TFEC: variants seen among roughly 807,000 people sequenced by gnomAD.
The protein encoded by TFEC is transcription factor EC, also known as class E basic helix-loop-helix protein 34.
TFEC carries 31 observed loss-of-function variants against 41.6 expected under a neutral mutation model. The ratio of observed to expected loss-of-function variants is 0.74; its 90% CI spans 0.56 to 1.01. TFEC has a LOEUF of 1.01. TFEC is among the 50% of genes least tolerant of loss of function. The probability of loss-of-function intolerance (pLI) is 0.00; values close to 1 mark genes in which losing one functional copy is unlikely to be tolerated. For missense variants in TFEC, 402 were observed against 404.1 expected, an observed-to-expected ratio of 0.99 and a Z score of 0.04; for synonymous variants, 143 against 140.6, an observed-to-expected ratio of 1.02 and a Z score of -0.12.
chr7:116,154,095 G>A (rs958679676), intron 1 of TFEC, among the ~76,000 whole-genome samples: 3 of 152,088 alleles, frequency 2.0e-5, no homozygotes, highest in Non-Finnish European at 4.4e-5. Context: ...ACATTAAGAG[G>A]ACTGTTCTTT....
chr7:115,974,170 T>A lies in TFEC; in HGVS notation c.267A>T (p.Thr89=), dbSNP rs1476628118. ...CCTTCTTGGGTCTGAAAGCACTTAC[T>A]GTTCTTTGCATTAGCAGAGGAGAGT... is the stretch of plus-strand genomic sequence containing the variant. ...GADSPLLMQR[T]LSGSILDVYS... is the part of the protein sequence containing the mutation. The change falls in exon 3 of 8, where the codon ACA becomes ACT. Residue 89 remains threonine, a splice_region_variant and synonymous_variant. Transcript: ENST00000265440. 2 of 1,590,194 alleles carry A rather than the reference T, an allele frequency of 1.3e-6. No homozygotes were observed. Among genetic ancestry groups the A allele is most frequent in the African/African-American group, 2.7e-5 (2 of 73,384 alleles).
chr7:116,117,650 C>T (rs1353198463), intron 1 of TFEC: 1 of 151,802 alleles, frequency 6.6e-6, no homozygotes, highest in Non-Finnish European at 1.5e-5. Flanking sequence ...CTTTCCCTAA[C>T]AAAGACGAAT....
In TFEC at chr7:116,065,029, G is replaced by C. The variant is rs1473596041; in HGVS notation, c.198+45679C>G. Reference sequence around the variant, plus strand: ...TGGATTGTTCTCCTGAAAACAGGAGGATGAATTGAACACAAGCCCACCAGT... The same window carrying C: ...TGGATTGTTCTCCTGAAAACAGGAGCATGAATTGAACACAAGCCCACCAGT... On this transcript the variant is annotated intron_variant, in intron 3 of 8. Transcript: ENST00000484212. 2.0e-5 allele frequency among the ~76,000 whole-genome samples: 3 copies of C among 152,158 alleles called. No homozygotes were observed. In the East Asian group the frequency reaches 5.8e-4, roughly 29 times the overall value.
chr7:115,997,651 C>A (rs1166173925), intron 1 of TFEC, among the ~76,000 whole-genome samples: 1 of 152,006 alleles, frequency 6.6e-6, no homozygotes. Flanking sequence ...GATATATGAC[C>A]TTTCAGGCAA....
At chr7:115,952,155 T>C (rs974943330) in intron 5 of TFEC, among the ~76,000 whole-genome samples, 5 of 152,044 alleles carry the variant, frequency 3.3e-5, no homozygotes, top group African/African-American at 1.2e-4. Flanking sequence ...ATGAATGAAT[T>C]TGACCTTTAG....
intron 1 of TFEC, among the ~76,000 whole-genome samples, chr7:116,140,480 G>A (rs1798518177): frequency 2.0e-5 from 3 of 152,164 alleles, no homozygotes. Flanking sequence ...GAGCCTAGTA[G>A]ATCCTCTCCA....
intron 1 of TFEC, chr7:116,112,094 CTTAT>C: frequency 1.2e-6 from 1 of 861,696 alleles, no homozygotes; most frequent in South Asian, 5.3e-5. Flanking sequence ...TAATACTGTT[CTTAT>C]TTGATTCATA....
intron 1 of TFEC, among the ~76,000 whole-genome samples, chr7:116,007,492 A>G (rs1794843273): frequency 6.6e-6 from 1 of 152,200 alleles, no homozygotes; most frequent in Non-Finnish European, 1.5e-5. Context: ...TGCTGGCTAG[A>G]AAGGTTCTTC....
chr7:115,969,202 G>T (rs763013286), intron 3 of TFEC, among the ~76,000 whole-genome samples: 1 of 151,820 alleles, frequency 6.6e-6, no homozygotes, highest in Admixed American at 6.6e-5. Context: ...AACAAAACAG[G>T]CTACTGTTTT....
chr7:116,021,415 G>GT (rs1795389891), intron 1 of TFEC, among the ~76,000 whole-genome samples: 1 of 152,156 alleles, frequency 6.6e-6, no homozygotes, highest in Admixed American at 6.6e-5. Context: ...ACAGGGTAGA[G>GT]TTTCAAACTT....
intron 1 of TFEC, among the ~76,000 whole-genome samples, chr7:116,027,076 G>A (rs1261305098): frequency 1.3e-5 from 2 of 151,708 alleles, no homozygotes; most frequent in African/African-American, 4.8e-5. Flanking sequence ...ATCCATTTGA[G>A]TCTACACAGG....
At chr7:116,010,078 C>T (rs1162667840) in intron 1 of TFEC, among the ~76,000 whole-genome samples, 2 of 151,964 alleles carry the variant, frequency 1.3e-5, no homozygotes, top group Admixed American at 6.6e-5. Flanking sequence ...ATGCAAAGAT[C>T]CTGTGGTGAA....
At position 116,101,195 on chromosome 7, in the gene TFEC, C is replaced by G. The variant is rs1008237869; in HGVS notation, c.198+9513G>C. On this transcript the variant is annotated intron_variant, in intron 3 of 8. Transcript: ENST00000484212. Reference sequence around the variant, plus strand: ...AATGTCCCCCACTTTCATGCCCCCCCCCAAAAAAAAGAAAAAGGAAAAAAC... The same window carrying G: ...AATGTCCCCCACTTTCATGCCCCCCGCCAAAAAAAAGAAAAAGGAAAAAAC... Among the ~76,000 whole-genome samples, 5 of 141,622 alleles carry G rather than the reference C, an allele frequency of 3.5e-5. 1 individual carries two copies. The South Asian group carries it at 9.7e-4, about 28-fold the overall frequency. The allele number at this position is 141,622 out of a possible 152,430, so 92.9% of individuals were successfully genotyped here.
In TFEC at chr7:116,058,183, G is replaced by A. The variant is rs1796472642; in HGVS notation, c.198+52525C>T. 2.0e-5 allele frequency among the ~76,000 whole-genome samples: 3 copies of A among 151,804 alleles called. No homozygotes were observed. In the South Asian group the frequency reaches 6.2e-4, roughly 32 times the overall value. On this transcript the variant is annotated intron_variant, in intron 3 of 8. Transcript: ENST00000484212. ...GTAACAAATAGGTTAAAACTGAAAT[G>A]ATGCAAAAATTATACCACACTAACA...
chr7:115,944,029 T>TC (rs1793656781), intron 6 of TFEC, among the ~76,000 whole-genome samples: 1 of 132,754 alleles, frequency 7.5e-6, no homozygotes, highest in Non-Finnish European at 1.6e-5. Flanking sequence ...TTTTTTTTTT[T>TC]TTTTTTTTTT....
At chr7:116,070,523 C>G (rs1796802655) in intron 3 of TFEC, among the ~76,000 whole-genome samples, 1 of 151,346 alleles carries the variant, frequency 6.6e-6, no homozygotes, top group African/African-American at 2.4e-5. Context: ...ATTAGACTTC[C>G]AGAAATGAGT....
intron 3 of TFEC, among the ~76,000 whole-genome samples, chr7:116,073,358 G>T (rs1209482729): frequency 6.6e-6 from 1 of 151,748 alleles, no homozygotes; most frequent in Non-Finnish European, 1.5e-5. Flanking sequence ...ATCCCATGGT[G>T]ATAGATATGA....
At chr7:116,057,503 T>C (rs1161733000) in intron 3 of TFEC, among the ~76,000 whole-genome samples, 1 of 151,900 alleles carries the variant, frequency 6.6e-6, no homozygotes, top group Non-Finnish European at 1.5e-5. Context: ...AGCATACCCA[T>C]ACTATAAGAA....
chr7:115,948,722 A>G (rs1421169255), intron 6 of TFEC, among the ~76,000 whole-genome samples: 1 of 149,634 alleles, frequency 6.7e-6, no homozygotes, highest in East Asian at 2.0e-4. Flanking sequence ...GCTATCTATG[A>G]CAAACCCACA....
Sources: allele counts gnomAD v4.1 joint callset (sites outside exome capture counted in the v4.1 genomes callset), GRCh38; gene constraint gnomAD v4.1.1; transcripts MANE v1.5; gene names NCBI Gene and HGNC (gene_info 2026-07-23, HGNC 2026-07-21).